The following MYBL2 variants were observed in gnomAD, a reference collection of about 807,000 sequenced individuals.
The protein encoded by MYBL2 is MYB proto-oncogene like 2.
A neutral mutation model predicts 79.9 loss-of-function variants in MYBL2; 28 were observed. That is an observed-to-expected ratio of 0.35 (90% CI 0.26 to 0.48). MYBL2 has a LOEUF of 0.48. Among genes scored for constraint, MYBL2 ranks in the 20% least tolerant of loss-of-function variants. The probability of loss-of-function intolerance (pLI) is 0.99; values close to 1 mark genes in which losing one functional copy is unlikely to be tolerated. For missense variants in MYBL2, 735 were observed against 893.9 expected, an observed-to-expected ratio of 0.82 and a Z score of 2.27; for synonymous variants, 378 against 361.2, an observed-to-expected ratio of 1.05 and a Z score of -0.53.
At chr20:43,703,090 GC>G (rs1268556024) in intron 8 of MYBL2, among the ~76,000 whole-genome samples, 187 bp downstream of exon 8, 1 of 152,202 alleles carries the variant, frequency 6.6e-6, no homozygotes, top group African/African-American at 2.4e-5. Flanking sequence ...GGCTTATGGT[GC>G]TGCATATGTG....
Position 43,715,147 on chromosome 20 carries a change from C to G in MYBL2, c.1838C>G (p.Pro613Arg). ...TTTTGGTTTCAGCCGACAACTGCCC[C>G]TTCAAACTCTTCCAGCCTCACCCTG... ...PKSLSLPTTAPSNSSSLTLSG... is the reference protein window; with the variant it reads ...PKSLSLPTTARSNSSSLTLSG... The change falls in exon 13 of 14, where the codon CCT becomes CGT. Residue 613 changes from proline (P) to arginine (R), a missense_variant. Physicochemically the swap from Pro to Arg is moderately radical, Grantham distance 103. Coordinates refer to ENST00000217026, the MANE Select transcript of MYBL2 (RefSeq NM_002466.4). 6.2e-7 allele frequency: 1 copy of G among 1,614,218 alleles called. No individual in the cohort carries two copies. Among genetic ancestry groups the G allele is most frequent in the South Asian group, 1.1e-5 (1 of 91,084 alleles).
At chr20:43,704,828 C>T (rs375870641) in intron 8 of MYBL2, among the ~76,000 whole-genome samples, 2 of 152,108 alleles carry the variant, frequency 1.3e-5, no homozygotes, top group Non-Finnish European at 1.5e-5. Context: ...AAATGATAAC[C>T]CCACCGCCAC....
chr20:43,694,454 C>A (rs2145722975), intron 6 of MYBL2, among the ~76,000 whole-genome samples: 1 of 152,200 alleles, frequency 6.6e-6, no homozygotes, highest in African/African-American at 2.4e-5. Context: ...ATTTTCTAAT[C>A]TTTTCTGTCA....
intron 1 of MYBL2, among the ~76,000 whole-genome samples, chr20:43,668,510 C>A (rs959996961): frequency 6.6e-6 from 1 of 151,748 alleles, no homozygotes; most frequent in Admixed American, 6.6e-5. Flanking sequence ...AAACTTCGGT[C>A]CCTCTTTAGA....
At chr20:43,696,072 A>G (rs1335833716) in intron 6 of MYBL2, among the ~76,000 whole-genome samples, 1 of 152,166 alleles carries the variant, frequency 6.6e-6, no homozygotes, top group African/African-American at 2.4e-5. Context: ...TGCCAGAAGA[A>G]TTTTGCATGT....
In MYBL2 at chr20:43,710,033, C is replaced by G. The variant is rs747073952; in HGVS notation, c.1576C>G (p.Leu526Val). 6 of 1,609,986 alleles carry G rather than the reference C, an allele frequency of 3.7e-6. No homozygotes were observed. In the Admixed American group the frequency reaches 8.4e-5, roughly 23 times the overall value. ...PHTPTPFKNA[L>V]EKYGPLKPLP... is the part of the protein sequence containing the mutation. ...CACGCCAACCCCGTTCAAGAACGCC[C>G]TGGAGAAGTACGGACCCCTGAAGCC... is the stretch of plus-strand genomic sequence containing the variant. The change falls in exon 10 of 14, where the codon CTG (leucine) becomes GTG (valine). Residue 526 changes from leucine to valine, a missense_variant. Leu to Val is a conservative substitution (Grantham distance 32, BLOSUM62 1). Transcript: ENST00000217026.
At chr20:43,696,169 A>G (rs747651391) in intron 6 of MYBL2, among the ~76,000 whole-genome samples, 2 of 152,156 alleles carry the variant, frequency 1.3e-5, no homozygotes, top group Non-Finnish European at 2.9e-5. Context: ...TTCAGAAGTA[A>G]TGCGTGATCA....
intron 2 of MYBL2, 41 bp from the exon 3 acceptor site, chr20:43,681,743 C>G (rs770439521): frequency 1.4e-5 from 22 of 1,607,922 alleles, no homozygotes; most frequent in Admixed American, 1.7e-5. Flanking sequence ...AGGTTTTCTG[C>G]ACGTATGTGT....
At position 43,716,213 on chromosome 20, in the gene MYBL2, A is replaced by C; in HGVS notation, c.*126A>C. On this transcript the variant is annotated 3_prime_UTR_variant, in exon 14 of 14. Transcript: ENST00000217026. Reference sequence around the variant, plus strand: ...AGCCTTCTGCCACCAGCCCCTCCCCAGACTCTCAGGTGGAGGCAACAGGGC... The same window carrying C: ...AGCCTTCTGCCACCAGCCCCTCCCCCGACTCTCAGGTGGAGGCAACAGGGC... The C allele has an allele frequency of 2.7e-6, 4 of 1,464,420 alleles. No homozygotes were observed. The highest frequency in any genetic ancestry group is 3.7e-6 in the Non-Finnish European group (4 of 1,083,608). The allele number at this position is 1,464,420 out of a possible 1,614,324, so 90.7% of individuals were successfully genotyped here.
At chr20:43,672,780 A>G (rs1336781709) in intron 1 of MYBL2, among the ~76,000 whole-genome samples, 1 of 152,130 alleles carries the variant, frequency 6.6e-6, no homozygotes, top group African/African-American at 2.4e-5. Flanking sequence ...GACATAGAGA[A>G]TATATTCAGA....
intron 1 of MYBL2, among the ~76,000 whole-genome samples, chr20:43,668,825 T>C (rs1428211343): frequency 6.6e-6 from 1 of 151,924 alleles, no homozygotes; most frequent in Non-Finnish European, 1.5e-5. Context: ...GACTGCAGGC[T>C]GAGTAGCTGG....
In MYBL2 at chr20:43,686,869, G is replaced by T. The variant is rs1407342871; in HGVS notation, c.297G>T (p.Lys99Asn). The T allele has an allele frequency of 6.2e-7, 1 of 1,614,080 alleles. No individual in the cohort carries two copies. Among genetic ancestry groups the T allele is most frequent in the East Asian group, 2.2e-5 (1 of 44,902 alleles). ...EEDQKVIELV[K>N]KYGTKQWTLI... The stretch of plus-strand genomic sequence containing the variant: ...TCTCTAAGGTCATCGAGCTGGTTAA[G>T]AAGTATGGCACAAAGCAGTGGACAC... Residue 99 changes from lysine to asparagine, a missense_variant, in exon 5 of 14, where the codon AAG (lysine) becomes AAT (asparagine). Transcript: ENST00000217026.
intron 6 of MYBL2, among the ~76,000 whole-genome samples, chr20:43,692,917 G>A (rs967822992): frequency 1.3e-5 from 2 of 152,186 alleles, no homozygotes; most frequent in East Asian, 1.9e-4. Context: ...GAATTCCCTC[G>A]TGCTCCTTTT....
chr20:43,669,380 T>A (rs1986806904), intron 1 of MYBL2, among the ~76,000 whole-genome samples: 1 of 152,172 alleles, frequency 6.6e-6, no homozygotes, highest in Non-Finnish European at 1.5e-5. Context: ...GGGCTACTTC[T>A]CCCATGAGGG....
chr20:43,679,076 G>A (rs1207310759), intron 2 of MYBL2, among the ~76,000 whole-genome samples: 1 of 152,016 alleles, frequency 6.6e-6, no homozygotes, highest in African/African-American at 2.4e-5. Flanking sequence ...AGGGAGAGTG[G>A]TGGTGCCAGA....
intron 2 of MYBL2, 84 bp downstream of exon 2, chr20:43,673,983 C>T: frequency 1.6e-6 from 2 of 1,216,556 alleles, no homozygotes; most frequent in South Asian, 2.6e-5. Flanking sequence ...GATGTCTCAT[C>T]AGATGGGATG....
At chr20:43,692,682 C>T (rs1306187819) in intron 6 of MYBL2, among the ~76,000 whole-genome samples, 1 of 151,990 alleles carries the variant, frequency 6.6e-6, no homozygotes, top group African/African-American at 2.4e-5. Context: ...ACCTGTAATC[C>T]CAGCAAGTTG....
intron 12 of MYBL2, among the ~76,000 whole-genome samples, chr20:43,714,581 A>AT (rs111908210): frequency 0.027 from 3,963 of 147,298 alleles, 140 homozygotes; most frequent in African/African-American, 0.084. Flanking sequence ...TGATTACTTG[A>AT]TTTTTTTTTT....
In MYBL2 at chr20:43,716,214, G is replaced by C; in HGVS notation, c.*127G>C. ...GCCTTCTGCCACCAGCCCCTCCCCA[G>C]ACTCTCAGGTGGAGGCAACAGGGCC... is the stretch of plus-strand genomic sequence containing the variant. On this transcript the variant is annotated 3_prime_UTR_variant, in exon 14 of 14. Coordinates refer to ENST00000217026, the MANE Select transcript of MYBL2 (RefSeq NM_002466.4). 6.9e-7 allele frequency: 1 copy of C among 1,450,898 alleles called. No individual in the cohort carries two copies. The highest frequency in any genetic ancestry group is 2.1e-5 in the Admixed American group (1 of 48,346). 89.9% of individuals were successfully genotyped at this position (1,450,898 alleles called of 1,614,324 possible).
Sources: gnomAD v4.1 joint callset for allele counts (sites outside exome capture counted in the v4.1 genomes callset) on GRCh38, gnomAD v4.1.1 for gene constraint, MANE v1.5 for transcripts, NCBI Gene and HGNC (gene_info 2026-07-23, HGNC 2026-07-21) for gene names.